The following UBE2Q2 variants were observed in gnomAD, a reference collection of about 807,000 sequenced individuals.
UBE2Q2 encodes ubiquitin conjugating enzyme E2 Q2, also known as ubiquitin-conjugating enzyme E2 Q2.
A neutral mutation model predicts 59.9 loss-of-function variants in UBE2Q2; 54 were observed. That is an observed-to-expected ratio of 0.90 (90% confidence interval 0.72 to 1.13). The LOEUF (loss-of-function observed/expected upper bound fraction) is 1.13. Ranked by LOEUF, UBE2Q2 falls within the 50% of genes most tolerant of loss-of-function variation. The pLI is 0.00. For missense variants in UBE2Q2, 433 were observed against 441.9 expected (o/e 0.98, Z 0.18); for synonymous variants, 165 against 155.2 (o/e 1.06, Z -0.47).
Position 75,843,843 on chromosome 15 carries a change from C to G in UBE2Q2, c.177C>G (p.Ile59Met). 1 of 1,578,010 alleles carries G rather than the reference C, an allele frequency of 6.3e-7. No individual in the cohort carries two copies. Among genetic ancestry groups the G allele is most frequent in the East Asian group, 2.4e-5 (1 of 42,048 alleles). ...CGCCACTCACGCTCCACTGCAACAT[C>G]ACGGTGAGGCGCCCGGCCGCGGCCC... is the stretch of plus-strand genomic sequence containing the variant. ...LPPPLTLHCN[I>M]TESYPSSSPI... is the part of the protein sequence containing the mutation. Residue 59 changes from isoleucine (I) to methionine (M), a missense_variant, in exon 1 of 13, where the codon ATC (isoleucine) becomes ATG (methionine). Coordinates refer to ENST00000267938, the MANE Select transcript of UBE2Q2 (RefSeq NM_173469.4).
intron 3 of UBE2Q2, among the ~76,000 whole-genome samples, chr15:75,866,055 C>T (rs949416598): frequency 4.6e-5 from 7 of 152,156 alleles, no homozygotes; most frequent in Non-Finnish European, 8.8e-5. Flanking sequence ...ATATTTGTTA[C>T]AAATGAAAAG....
In UBE2Q2 at chr15:75,866,129, A is replaced by AT. The variant is rs200341329; in HGVS notation, c.388-2821dup. 2.5e-3 allele frequency among the ~76,000 whole-genome samples: 379 copies of AT among 151,436 alleles called. 8 individuals carry two copies. The highest frequency in any genetic ancestry group is 0.022 in the Admixed American group (335 of 15,204). ...TTATTTTTTCTTTCTGGTAGTTGGT[A>AT]TGATTTTCTCTGTAACTGTAAAGTG... On this transcript the variant is annotated intron_variant, in intron 3 of 12. Transcript: ENST00000267938.
intron 3 of UBE2Q2, among the ~76,000 whole-genome samples, chr15:75,866,283 C>G (rs1172522919): frequency 6.6e-6 from 1 of 152,088 alleles, no homozygotes; most frequent in African/African-American, 2.4e-5. Flanking sequence ...AAGCAGTCCT[C>G]CCACCTCAGC....
At chr15:75,874,075 A>G (rs1897940327) in intron 5 of UBE2Q2, among the ~76,000 whole-genome samples, 1 of 151,900 alleles carries the variant, frequency 6.6e-6, no homozygotes, top group Non-Finnish European at 1.5e-5. Flanking sequence ...TGCTCTTCAT[A>G]TCCTGGAACC....
At chr15:75,854,327 A>C in intron 1 of UBE2Q2, 59 bp from the exon 2 acceptor site, 1 of 1,348,030 alleles carries the variant, frequency 7.4e-7, no homozygotes, top group Non-Finnish European at 1.0e-6. Context: ...GTGTGGTTTA[A>C]TTGCATATTT....
At chr15:75,891,644 T>C (rs1291893074) in intron 11 of UBE2Q2, among the ~76,000 whole-genome samples, 1 of 152,180 alleles carries the variant, frequency 6.6e-6, no homozygotes, top group African/African-American at 2.4e-5. Flanking sequence ...GGATTGGAAC[T>C]AGACAGTCTG....
intron 12 of UBE2Q2, among the ~76,000 whole-genome samples, chr15:75,898,347 T>C (rs1002796720): frequency 1.3e-5 from 2 of 152,172 alleles, no homozygotes; most frequent in African/African-American, 4.8e-5. Flanking sequence ...AGATGACTTC[T>C]AGGGTTTTGT....
At chr15:75,878,836 T>G (rs1299899109) in intron 7 of UBE2Q2, among the ~76,000 whole-genome samples, 1 of 152,082 alleles carries the variant, frequency 6.6e-6, no homozygotes, top group African/African-American at 2.4e-5. Context: ...TATTTTCCTT[T>G]AGAGTGACTG....
chr15:75,847,059 A>G (rs747651538), intron 1 of UBE2Q2, among the ~76,000 whole-genome samples: 4 of 151,814 alleles, frequency 2.6e-5, no homozygotes, highest in Admixed American at 1.3e-4. Flanking sequence ...AGTCCTTACT[A>G]TTTTTGCTTT....
At chr15:75,865,327 G>A (rs993326409) in intron 3 of UBE2Q2, among the ~76,000 whole-genome samples, 1 of 152,208 alleles carries the variant, frequency 6.6e-6, no homozygotes, top group Non-Finnish European at 1.5e-5. Context: ...TTAACATTGT[G>A]TGTGAAATTT....
At chr15:75,868,432 G>T (rs1019237653) in intron 3 of UBE2Q2, among the ~76,000 whole-genome samples, 1 of 152,074 alleles carries the variant, frequency 6.6e-6, no homozygotes, top group Non-Finnish European at 1.5e-5. Flanking sequence ...TTGCTTTTTA[G>T]TGAGGTGGTA....
chr15:75,879,481 TG>T (rs1165880373), intron 8 of UBE2Q2, among the ~76,000 whole-genome samples: 1 of 152,226 alleles, frequency 6.6e-6, no homozygotes, highest in Admixed American at 6.5e-5. Flanking sequence ...ACAAGATGGG[TG>T]GATCTTGAAC....
In UBE2Q2 at chr15:75,854,394, T is replaced by A; in HGVS notation, c.189T>A (p.Tyr63Ter). 1.2e-6 allele frequency: 2 copies of A among 1,612,502 alleles called. No individual in the cohort carries two copies. Among genetic ancestry groups the A allele is most frequent in the Non-Finnish European group, 8.5e-7 (1 of 1,179,062 alleles). ...GTCTCTGTGTTAAACAGGAATCCTA[T>A]CCATCTTCTTCACCGATATGGTTTG... ...LTLHCNITES[Y>*]PSSSPIWFVD... The change falls in exon 2 of 13, where the codon TAT becomes TAA. Residue 63 changes from tyrosine (Y) to a stop codon, truncating the protein, a stop_gained. Transcript: ENST00000267938. LOFTEE classifies it high-confidence loss of function.
In UBE2Q2 at chr15:75,873,577, G is replaced by A. The variant is rs759689809; in HGVS notation, c.588+9G>A. 1.2e-5 allele frequency: 19 copies of A among 1,604,106 alleles called. No individual in the cohort carries two copies. The highest frequency in any genetic ancestry group is 1.5e-5 in the Non-Finnish European group (18 of 1,177,124). On this transcript the variant is annotated intron_variant, in intron 5 of 12. Coordinates refer to ENST00000267938, the MANE Select transcript of UBE2Q2 (RefSeq NM_173469.4). ...GGCAAGACCATTTAAATGTAAGTGT[G>A]TGTAGATATCTAGAACCTGGACTTT...
At chr15:75,892,463 A>G (rs186311391) in intron 11 of UBE2Q2, among the ~76,000 whole-genome samples, 65 of 152,352 alleles carry the variant, frequency 4.3e-4, no homozygotes, top group African/African-American at 1.4e-3. Flanking sequence ...GAAATCTAAT[A>G]TAAAGAAAAA....
At chr15:75,852,981 C>T (rs2141549248) in intron 1 of UBE2Q2, among the ~76,000 whole-genome samples, 1 of 152,304 alleles carries the variant, frequency 6.6e-6, no homozygotes, top group South Asian at 2.1e-4. Flanking sequence ...AGCAGTGTTT[C>T]CTAAAATCGT....
At chr15:75,898,669 T>G (rs955877252) in intron 12 of UBE2Q2, among the ~76,000 whole-genome samples, 7 of 152,238 alleles carry the variant, frequency 4.6e-5, no homozygotes, top group African/African-American at 1.7e-4. Flanking sequence ...TGCGATGGCT[T>G]CCTTGTCATT....
intron 2 of UBE2Q2, among the ~76,000 whole-genome samples, chr15:75,858,670 T>A (rs1015740629): frequency 6.6e-6 from 1 of 152,162 alleles, no homozygotes; most frequent in Non-Finnish European, 1.5e-5. Flanking sequence ...TCCACTACCC[T>A]GCTGCCTCTC....
chr15:75,890,336 C>A, intron 9 of UBE2Q2, 99 bp from the exon 10 acceptor site: 1 of 839,270 alleles, frequency 1.2e-6, no homozygotes, highest in East Asian at 2.5e-5. Flanking sequence ...ATTTTCTCAT[C>A]CTTACTTGTG....
Sources: allele counts gnomAD v4.1 joint callset (sites outside exome capture counted in the v4.1 genomes callset), GRCh38; gene constraint gnomAD v4.1.1; transcripts MANE v1.5; gene names NCBI Gene and HGNC (gene_info 2026-07-23, HGNC 2026-07-21).